Variants in CDYL observed in about 807,000 individuals in gnomAD.
CDYL encodes the protein chromodomain Y like, also known as chromodomain Y-like protein.
In CDYL, 8 loss-of-function variants were observed where a neutral mutation model predicts 47.3. The ratio of observed to expected loss-of-function variants is 0.17; its 90% CI spans 0.10 to 0.31. The LOEUF (loss-of-function observed/expected upper bound fraction) is 0.31, where lower values mean the gene tolerates loss of function less well. Among genes scored for constraint, CDYL ranks in the 10% least tolerant of loss-of-function variants. The pLI, the probability that CDYL is intolerant of heterozygous loss-of-function variation, is 1.00. For missense variants in CDYL, 471 were observed against 701.4 expected (o/e 0.67, Z 3.71); for synonymous variants, 266 against 265.0 (o/e 1.00, Z -0.04).
chr6:4,791,091 A>G (rs1351040143), intron 1 of CDYL, among the ~76,000 whole-genome samples: 1 of 152,248 alleles, frequency 6.6e-6, no homozygotes, highest in South Asian at 2.1e-4. Flanking sequence ...TTTGGAGAAT[A>G]CATTAAGGGA....
At chr6:4,915,728 A>C (rs1757538383) in intron 2 of CDYL, among the ~76,000 whole-genome samples, 1 of 152,178 alleles carries the variant, frequency 6.6e-6, no homozygotes, top group African/African-American at 2.4e-5. Flanking sequence ...GCCCCTGTAA[A>C]GCTCTCTTGT....
At chr6:4,717,019 G>C (rs1311802250) in intron 2 of CDYL, among the ~76,000 whole-genome samples, 1 of 152,184 alleles carries the variant, frequency 6.6e-6, no homozygotes, top group Admixed American at 6.5e-5. Flanking sequence ...TTCTGGGAAT[G>C]ATGAGTCTGA....
intron 1 of CDYL, among the ~76,000 whole-genome samples, chr6:4,806,711 C>T (rs1006968206): frequency 2.6e-5 from 4 of 152,190 alleles, no homozygotes; most frequent in African/African-American, 9.7e-5. Context: ...TCAGTCTTTC[C>T]TTCGATGATC....
intron 2 of CDYL, among the ~76,000 whole-genome samples, chr6:4,722,671 G>GT (rs1230880369): frequency 6.6e-6 from 1 of 152,192 alleles, no homozygotes; most frequent in Admixed American, 6.5e-5. Flanking sequence ...GAGGCCAGGA[G>GT]TTTGAGACCA....
At chr6:4,907,196 A>G (rs977822509) in intron 2 of CDYL, among the ~76,000 whole-genome samples, 2 of 152,218 alleles carry the variant, frequency 1.3e-5, no homozygotes, top group Admixed American at 6.5e-5. Context: ...CTGTAGGGCC[A>G]GTGGGTTACC....
chr6:4,862,562 C>A (rs1761201905), intron 1 of CDYL, among the ~76,000 whole-genome samples: 1 of 152,166 alleles, frequency 6.6e-6, no homozygotes, highest in Non-Finnish European at 1.5e-5. Context: ...ATCTAATAAA[C>A]AATGATCTCA....
chr6:4,778,679 GA>G (rs1013660539), intron 1 of CDYL, among the ~76,000 whole-genome samples: 4 of 151,756 alleles, frequency 2.6e-5, no homozygotes, highest in Non-Finnish European at 4.4e-5. Context: ...TTTAGTTTTG[GA>G]AAAAAAGGTA....
intron 1 of CDYL, 83 bp downstream of exon 1, chr6:4,776,890 G>C: frequency 1.7e-5 from 10 of 587,910 alleles, no homozygotes; most frequent in Non-Finnish European, 2.1e-5. Flanking sequence ...GGCCCCGCTC[G>C]CCGCCCGCGC....
intron 1 of CDYL, among the ~76,000 whole-genome samples, chr6:4,863,644 A>G (rs1166733552): frequency 6.6e-6 from 1 of 152,230 alleles, no homozygotes; most frequent in Non-Finnish European, 1.5e-5. Flanking sequence ...TTGCTCCTAG[A>G]AAGCCATTTT....
intron 1 of CDYL, among the ~76,000 whole-genome samples, chr6:4,711,927 T>A (rs1757159116): frequency 6.6e-6 from 1 of 151,966 alleles, no homozygotes; most frequent in Admixed American, 6.6e-5. Flanking sequence ...TAGCGCGGTG[T>A]GGTGGTATGC....
chr6:4,895,656 T>G (rs1379025772), intron 2 of CDYL, among the ~76,000 whole-genome samples: 1 of 152,096 alleles, frequency 6.6e-6, no homozygotes, highest in African/African-American at 2.4e-5. Context: ...CGTCCAGTTT[T>G]GGTTGGAGAC....
chr6:4,932,115 CCTGAAGCCAGCCAG>C (rs1212037752), intron 2 of CDYL, among the ~76,000 whole-genome samples: 1 of 152,140 alleles, frequency 6.6e-6, no homozygotes, highest in Non-Finnish European at 1.5e-5. Flanking sequence ...GGAGAGTGGA[CCTGAAGCCAGCCAG>C]CTTTGCCCTG....
In CDYL at chr6:4,752,822, T is replaced by C. The variant is rs545742030; in HGVS notation, c.186+17978T>C. 2.3e-5 allele frequency among the ~76,000 whole-genome samples: 3 copies of C among 128,412 alleles called. No individual in the cohort carries two copies. In the Admixed American group the frequency reaches 2.6e-4, roughly 11 times the overall value. 84.2% of individuals were successfully genotyped at this position (128,412 alleles called of 152,430 possible). Reference sequence around the variant, plus strand: ...TTGCAATGGAAAAGTCTTTCATGTCTGCAAAGGAAAATAATGTGTGTGTGT... The same window carrying C: ...TTGCAATGGAAAAGTCTTTCATGTCCGCAAAGGAAAATAATGTGTGTGTGT... On this transcript the variant is annotated intron_variant, in intron 3 of 8. Transcript: ENST00000328908.
intron 4 of CDYL, among the ~76,000 whole-genome samples, chr6:4,940,431 G>C: frequency 6.6e-6 from 1 of 152,076 alleles, no homozygotes; most frequent in East Asian, 1.9e-4. Flanking sequence ...CTGGTGTCTT[G>C]TCTCATGTTC....
At chr6:4,944,138 A>G (rs1258784442) in intron 5 of CDYL, among the ~76,000 whole-genome samples, 1 of 152,174 alleles carries the variant, frequency 6.6e-6, no homozygotes, top group Non-Finnish European at 1.5e-5. Context: ...CGTCCATATA[A>G]TTGTGTGTTT....
intron 2 of CDYL, among the ~76,000 whole-genome samples, chr6:4,933,000 G>A (rs184869443): frequency 2.2e-4 from 34 of 152,268 alleles, no homozygotes; most frequent in Admixed American, 2.2e-3. Flanking sequence ...CGCCTCTTCT[G>A]CATTCTCCTC....
chr6:4,905,845 G>T (rs2127496987), intron 2 of CDYL, among the ~76,000 whole-genome samples: 1 of 152,160 alleles, frequency 6.6e-6, no homozygotes, highest in East Asian at 1.9e-4. Context: ...TTTGTAACAT[G>T]CATAGATTGC....
chr6:4,747,234 G>C (rs1178409826), intron 3 of CDYL, among the ~76,000 whole-genome samples: 1 of 149,670 alleles, frequency 6.7e-6, no homozygotes, highest in South Asian at 2.1e-4. Context: ...TTGCACCTGG[G>C]AGGCAGAGGT....
chr6:4,864,663 A>T (rs1761269342), intron 1 of CDYL, among the ~76,000 whole-genome samples: 1 of 152,116 alleles, frequency 6.6e-6, no homozygotes, highest in Non-Finnish European at 1.5e-5. Flanking sequence ...GTCTCACAAG[A>T]TCTGATGGGT....
Sources: allele counts gnomAD v4.1 joint callset (sites outside exome capture counted in the v4.1 genomes callset), GRCh38; gene constraint gnomAD v4.1.1; transcripts MANE v1.5; gene names NCBI Gene and HGNC (gene_info 2026-07-23, HGNC 2026-07-21).